Variants in STXBP5 observed in about 807,000 individuals in gnomAD.
STXBP5 encodes the protein syntaxin binding protein 5, also known as syntaxin-binding protein 5.
In STXBP5, 50 loss-of-function variants were observed where a neutral mutation model predicts 152.4. The ratio of observed to expected loss-of-function variants is 0.33; its 90% confidence interval spans 0.26 to 0.42. STXBP5 has a LOEUF of 0.42. Among genes scored for constraint, STXBP5 ranks in the 10% least tolerant of loss-of-function variants. The pLI is 1.00. For missense variants in STXBP5, 1,167 were observed against 1,388.6 expected, an observed-to-expected ratio of 0.84 and a Z score of 2.54; for synonymous variants, 492 against 494.7, an observed-to-expected ratio of 0.99 and a Z score of 0.07.
chr6:147,260,583 A>C lies in STXBP5; in HGVS notation c.432-32A>C, dbSNP rs779731798. ...ATTAGTAAAATTTGCCATTTTTCAAATTTCTTTTTTGAGTATATTTTTCTC... is the reference window on the plus strand; with the variant it reads ...ATTAGTAAAATTTGCCATTTTTCAACTTTCTTTTTTGAGTATATTTTTCTC... On this transcript the variant is annotated intron_variant, in intron 4 of 27. Transcript: ENST00000321680. The C allele has an allele frequency of 2.5e-6, 4 of 1,612,814 alleles. No homozygotes were observed. The East Asian group carries it at 8.9e-5, about 36-fold the overall frequency.
chr6:147,283,348 T>G (rs1438977341), intron 8 of STXBP5, among the ~76,000 whole-genome samples: 1 of 152,210 alleles, frequency 6.6e-6, no homozygotes, highest in East Asian at 1.9e-4. Flanking sequence ...TCTAAAACAT[T>G]CAGTAAATAA....
intron 21 of STXBP5, among the ~76,000 whole-genome samples, chr6:147,340,962 A>C (rs998223077): frequency 6.6e-5 from 10 of 152,164 alleles, no homozygotes; most frequent in African/African-American, 2.4e-4. Context: ...TGGGGAAAGC[A>C]TGTTATGTTA....
intron 21 of STXBP5, among the ~76,000 whole-genome samples, chr6:147,343,842 C>T (rs1784198191): frequency 6.6e-6 from 1 of 152,140 alleles, no homozygotes; most frequent in African/African-American, 2.4e-5. Context: ...CAGTATTCAA[C>T]CTGAAACGTG....
intron 7 of STXBP5, among the ~76,000 whole-genome samples, chr6:147,277,634 A>G (rs1179925604): frequency 6.6e-6 from 1 of 152,120 alleles, no homozygotes; most frequent in Non-Finnish European, 1.5e-5. Context: ...AAACATTTGT[A>G]TTGATCTTAA....
intron 2 of STXBP5, among the ~76,000 whole-genome samples, chr6:147,234,713 A>G (rs1266847728): frequency 1.3e-5 from 2 of 152,020 alleles, no homozygotes; most frequent in Non-Finnish European, 2.9e-5. Context: ...TCATTTGGTG[A>G]AACAAAATCA....
At chr6:147,381,902 A>G (rs1056653912) in intron 26 of STXBP5, among the ~76,000 whole-genome samples, 2 of 152,160 alleles carry the variant, frequency 1.3e-5, no homozygotes, top group African/African-American at 4.8e-5. Flanking sequence ...AGTGACTGCT[A>G]ACAGGCATGG....
At chr6:147,360,102 A>G (rs1049127893) in intron 23 of STXBP5, among the ~76,000 whole-genome samples, 1 of 152,246 alleles carries the variant, frequency 6.6e-6, no homozygotes, top group African/African-American at 2.4e-5. Context: ...ATGAGATATC[A>G]TCTCACACCA....
At chr6:147,205,831 T>C (rs1019789636) in intron 1 of STXBP5, 140 bp from the exon 2 acceptor site, 8 of 548,990 alleles carry the variant, frequency 1.5e-5, no homozygotes, top group African/African-American at 1.3e-4. Flanking sequence ...GTTTCACTTA[T>C]TTTTTCAAAA....
chr6:147,380,077 C>T (rs565911981), intron 26 of STXBP5, among the ~76,000 whole-genome samples: 1 of 151,766 alleles, frequency 6.6e-6, no homozygotes, highest in Admixed American at 6.6e-5. Context: ...ACACATTTAA[C>T]ACAATTCATA....
At position 147,389,739 on chromosome 6, in the gene STXBP5, T is replaced by C. The variant is rs1167438909; in HGVS notation, c.*4984T>C. On this transcript the variant is annotated 3_prime_UTR_variant, in exon 28 of 28. Transcript: ENST00000321680. ...TTGTTTTGTATTGTCTAAACTTTGC[T>C]TCAACTGAAGACAGTGTAAGGAGTT... 2 of 151,932 alleles carry C rather than the reference T, an allele frequency of 1.3e-5. No homozygotes were observed. The highest frequency in any genetic ancestry group is 2.9e-5 in the Non-Finnish European group (2 of 67,866). The allele number at this position is 151,932 out of a possible 1,614,324, so 9.4% of individuals were successfully genotyped here. A position where few individuals can be genotyped will look rare whatever the true frequency, so the allele number is the denominator to read the frequency against.
intron 21 of STXBP5, among the ~76,000 whole-genome samples, chr6:147,351,182 A>G (rs964977627): frequency 1.3e-5 from 2 of 152,224 alleles, no homozygotes; most frequent in Non-Finnish European, 2.9e-5. Flanking sequence ...CTGGGAGCTC[A>G]TTGGAAATGT....
chr6:147,213,477 T>TGTGTGTGCGCGCGCGCGCGCGCGCGC, intron 2 of STXBP5, among the ~76,000 whole-genome samples: 22 of 131,310 alleles, frequency 1.7e-4, no homozygotes, highest in Non-Finnish European at 3.0e-4. Context: ...TGTGTGTGTG[T>TGTGTGTGCGCGCGCGCGCGCGCGCGC]GCGCGCGCAT....
At chr6:147,237,952 A>G (rs1162403506) in intron 3 of STXBP5, among the ~76,000 whole-genome samples, 3 of 152,156 alleles carry the variant, frequency 2.0e-5, no homozygotes, top group Non-Finnish European at 4.4e-5. Context: ...TTTGAGGAAA[A>G]ACATTCAGAT....
chr6:147,261,174 A>C (rs1779621904), intron 5 of STXBP5, among the ~76,000 whole-genome samples: 1 of 152,054 alleles, frequency 6.6e-6, no homozygotes, highest in Admixed American at 6.6e-5. Flanking sequence ...ATAATCATCA[A>C]ATATAATGTT....
At position 147,268,719 on chromosome 6, in the gene STXBP5, T is replaced by A. The variant is rs543938480; in HGVS notation, c.714+1552T>A. ...TTTTGCTTATTATTTTAAATAGTGA[T>A]CTAGGCTTGAGCCATTATGGAGTCA... On this transcript the variant is annotated intron_variant, in intron 7 of 27. Coordinates refer to ENST00000321680, the MANE Select transcript of STXBP5 (RefSeq NM_001127715.4). Among the ~76,000 whole-genome samples, 7 of 152,338 alleles carry A rather than the reference T, an allele frequency of 4.6e-5. No homozygotes were observed. The South Asian group carries it at 1.4e-3, about 32-fold the overall frequency.
intron 16 of STXBP5, among the ~76,000 whole-genome samples, chr6:147,324,342 G>A (rs1449331603): frequency 1.6e-5 from 2 of 128,430 alleles, no homozygotes; most frequent in African/African-American, 2.9e-5. Context: ...GCGCGATCTC[G>A]GCTCACTGCA....
At chr6:147,282,996 A>G (rs973257718) in intron 8 of STXBP5, among the ~76,000 whole-genome samples, 3 of 152,134 alleles carry the variant, frequency 2.0e-5, no homozygotes, top group East Asian at 1.9e-4. Context: ...AAAATGTCAT[A>G]ATGTTTTAAG....
At chr6:147,367,182 C>T (rs142621892) in intron 25 of STXBP5, among the ~76,000 whole-genome samples, 12 of 152,262 alleles carry the variant, frequency 7.9e-5, no homozygotes, top group East Asian at 1.9e-4. Flanking sequence ...TGCTAAATGG[C>T]ATTAACAGCA....
In STXBP5 at chr6:147,260,769, T is replaced by G. The variant is rs748140876; in HGVS notation, c.566+20T>G. 6.2e-7 allele frequency: 1 copy of G among 1,610,968 alleles called. No homozygotes were observed. Among genetic ancestry groups the G allele is most frequent in the Non-Finnish European group, 8.5e-7 (1 of 1,178,736 alleles). Reference sequence around the variant, plus strand: ...TGAACTGTGAGTTTGAACAAATATTTTGTATCTGAAAGCATCAGTTCTATA... The same window carrying G: ...TGAACTGTGAGTTTGAACAAATATTGTGTATCTGAAAGCATCAGTTCTATA... On this transcript the variant is annotated intron_variant, in intron 5 of 27. Transcript: ENST00000321680.
Sources: gnomAD v4.1 joint callset for allele counts (sites outside exome capture counted in the v4.1 genomes callset) on GRCh38, gnomAD v4.1.1 for gene constraint, MANE v1.5 for transcripts, NCBI Gene and HGNC (gene_info 2026-07-23, HGNC 2026-07-21) for gene names.